ADRA1A: variants seen among roughly 807,000 people sequenced by gnomAD.
ADRA1A encodes the protein adrenoceptor alpha 1A.
Under a neutral mutation model 29.6 loss-of-function variants are expected in ADRA1A, and 31 were observed. The observed-to-expected ratio is 1.05, with a 90% CI of 0.79 to 1.41. The LOEUF (loss-of-function observed/expected upper bound fraction) is 1.41. ADRA1A is among the 40% of genes most tolerant of loss of function. The pLI is 0.00. For missense variants in ADRA1A, 619 were observed against 601.1 expected (o/e 1.03, Z -0.31); for synonymous variants, 311 against 254.3 (o/e 1.22, Z -2.12).
At chr8:26,861,960 C>T (rs547016518) in intron 2 of ADRA1A, among the ~76,000 whole-genome samples, 1 of 151,988 alleles carries the variant, frequency 6.6e-6, no homozygotes, top group African/African-American at 2.4e-5. Flanking sequence ...AGCCAATTTT[C>T]CCCCCAACAA....
intron 2 of ADRA1A, among the ~76,000 whole-genome samples, chr8:26,797,455 C>A (rs1808262413): frequency 6.6e-6 from 1 of 152,012 alleles, no homozygotes; most frequent in Non-Finnish European, 1.5e-5. Flanking sequence ...AGCCACCATG[C>A]CTGGCTAATT....
rs935814748 is a variant in ADRA1A, at chr8:26,823,638, C to T, written c.883+40449G>A. Among the ~76,000 whole-genome samples, 1 of 152,096 alleles carries T rather than the reference C, an allele frequency of 6.6e-6. No homozygotes were observed. The highest frequency in any genetic ancestry group is 6.5e-5 in the Admixed American group (1 of 15,276). On this transcript the variant is annotated intron_variant, in intron 2 of 2. Coordinates refer to ENST00000380573, the MANE Select transcript of ADRA1A (RefSeq NM_000680.4). The surrounding 1 kb of genome is among the most constrained non-coding windows in gnomAD (Gnocchi z 4.2). Reference sequence around the variant, plus strand: ...TGTGTCACCACCTATCTAAGTGGCACCAGGAAGCCCACCTTCCTTTTTCCT... The same window carrying T: ...TGTGTCACCACCTATCTAAGTGGCATCAGGAAGCCCACCTTCCTTTTTCCT...
rs1810517609 is a variant in ADRA1A at position 26,825,859 on chromosome 8, G to C, written c.883+38228C>G. The stretch of plus-strand genomic sequence containing the variant: ...CTTAAAACAGAAAATCGACTTCCAA[G>C]TTCTGCGCACTGGTGTTTGCATGAG... On this transcript the variant is annotated intron_variant, in intron 2 of 2. Transcript: ENST00000380573. This position sits in a 1 kb window ranked among gnomAD's most constrained non-coding sequence, Gnocchi z 5.7. 6.6e-6 allele frequency among the ~76,000 whole-genome samples: 1 copy of C among 152,216 alleles called. No homozygotes were observed. Among genetic ancestry groups the C allele is most frequent in the African/African-American group, 2.4e-5 (1 of 41,460 alleles).
intron 2 of ADRA1A, among the ~76,000 whole-genome samples, chr8:26,750,441 A>G (rs1464026375): frequency 6.6e-6 from 1 of 152,030 alleles, no homozygotes; most frequent in African/African-American, 2.4e-5. Context: ...AGCTCAAGTG[A>G]TCCACTGGCC....
rs1204829635 is a variant in ADRA1A at position 26,769,866 on chromosome 8, T to C, written c.*283A>G. On this transcript the variant is annotated 3_prime_UTR_variant, in exon 3 of 3. Coordinates refer to ENST00000380573, the MANE Select transcript of ADRA1A (RefSeq NM_000680.4). ...TTTGGATTGTGCATGAAATTCTGTT[T>C]CCCATGGTGGTTTTCGTTGAAGTGG... 1.5e-5 allele frequency: 17 copies of C among 1,171,804 alleles called. No homozygotes were observed. Among genetic ancestry groups the C allele is most frequent in the Non-Finnish European group, 1.6e-5 (15 of 949,072 alleles). The allele number at this position is 1,171,804 out of a possible 1,614,324, so 72.6% of individuals were successfully genotyped here. A position where few individuals can be genotyped will look rare whatever the true frequency, so the allele number is the denominator to read the frequency against.
chr8:26,830,641 T>C (rs1319303155), intron 2 of ADRA1A, among the ~76,000 whole-genome samples: 1 of 152,174 alleles, frequency 6.6e-6, no homozygotes, highest in African/African-American at 2.4e-5. Context: ...TTTGCAAAGA[T>C]GAAGGTTTAT....
chr8:26,785,909 C>T (rs1201702280), intron 2 of ADRA1A, among the ~76,000 whole-genome samples: 1 of 152,170 alleles, frequency 6.6e-6, no homozygotes, highest in Non-Finnish European at 1.5e-5. Flanking sequence ...AGTATTGCCC[C>T]AGTCTTTCCA....
At chr8:26,839,746 C>T (rs937357471) in intron 2 of ADRA1A, among the ~76,000 whole-genome samples, 16 of 152,166 alleles carry the variant, frequency 1.1e-4, no homozygotes, top group Non-Finnish European at 2.4e-4. Flanking sequence ...CATATTTCTT[C>T]CTTAGTGCCC....
chr8:26,803,919 CTTTTTTTTT>C (rs34314160), intron 2 of ADRA1A, among the ~76,000 whole-genome samples: 2 of 95,228 alleles, frequency 2.1e-5, no homozygotes, highest in African/African-American at 8.9e-5. Flanking sequence ...TGGAAGTTTC[CTTTTTTTTT>C]TTTTTTTTTT....
chr8:26,752,580 A>G (rs75969358), downstream of ADRA1A, among the ~76,000 whole-genome samples: 40 of 152,350 alleles, frequency 2.6e-4, no homozygotes, highest in East Asian at 7.5e-3. Context: ...GTTAGAAAAG[A>G]AATTATTTTG....
chr8:26,788,281 C>T (rs1807551222), intron 2 of ADRA1A, among the ~76,000 whole-genome samples: 1 of 152,126 alleles, frequency 6.6e-6, no homozygotes, highest in South Asian at 2.1e-4. Flanking sequence ...GCTAAGTCTA[C>T]TCTAGAGCTG....
chr8:26,822,161 T>C (rs1189618847), intron 2 of ADRA1A, among the ~76,000 whole-genome samples: 51 of 152,198 alleles, frequency 3.4e-4, no homozygotes, highest in Admixed American at 3.3e-3. Context: ...TTTTAAGAAT[T>C]TGTGAAAGTC....
rs1013142167 is a variant in ADRA1A at position 26,841,965 on chromosome 8, C to T, written c.883+22122G>A. Among the ~76,000 whole-genome samples, 1 of 152,134 alleles carries T rather than the reference C, an allele frequency of 6.6e-6. No individual in the cohort carries two copies. Among genetic ancestry groups the T allele is most frequent in the African/African-American group, 2.4e-5 (1 of 41,424 alleles). On this transcript the variant is annotated intron_variant, in intron 2 of 2. Transcript: ENST00000380573. The surrounding 1 kb of genome is among the most constrained non-coding windows in gnomAD (Gnocchi z 4.4). The stretch of plus-strand genomic sequence containing the variant: ...CAAGTTCTGCTTGTTTTTTCTTCTG[C>T]CTACTGATGCCAACATATTCTAACA...
Position 26,806,203 on chromosome 8 carries a change from G to A in ADRA1A, c.884-35537C>T, listed in dbSNP as rs1808969146. ...GCACTGCCCTGTTTTTAACTGGGTT[G>A]CAATTCATGCAGCCTCCTAACTGCA... On this transcript the variant is annotated intron_variant, in intron 2 of 2. Transcript: ENST00000380573. This position sits in a 1 kb window ranked among gnomAD's most constrained non-coding sequence, Gnocchi z 4.6. Among the ~76,000 whole-genome samples the A allele has an allele frequency of 6.6e-6, 1 of 152,110 alleles. No homozygotes were observed. Among genetic ancestry groups the A allele is most frequent in the Non-Finnish European group, 1.5e-5 (1 of 68,024 alleles).
At chr8:26,856,773 G>A (rs957079620) in intron 2 of ADRA1A, among the ~76,000 whole-genome samples, 4 of 152,142 alleles carry the variant, frequency 2.6e-5, no homozygotes, top group South Asian at 2.1e-4. Flanking sequence ...CTCTGTACAC[G>A]GTTTTCGATA....
intron 2 of ADRA1A, among the ~76,000 whole-genome samples, chr8:26,810,776 G>A (rs529233467): frequency 6.6e-6 from 1 of 152,236 alleles, no homozygotes; most frequent in African/African-American, 2.4e-5. Context: ...TTCCTTGGAT[G>A]GCACGTTTGC....
chr8:26,781,996 C>A (rs1030471465), intron 2 of ADRA1A, among the ~76,000 whole-genome samples: 7 of 152,212 alleles, frequency 4.6e-5, no homozygotes, highest in African/African-American at 1.4e-4. Context: ...TGCAAAGATG[C>A]TTAATCTGAG....
downstream of ADRA1A, among the ~76,000 whole-genome samples, chr8:26,766,636 C>T (rs568942387): frequency 1.5e-4 from 23 of 152,198 alleles, no homozygotes; most frequent in African/African-American, 4.1e-4. Context: ...AATGGGAAAA[C>T]GTTTACCCCC....
Position 26,864,334 on chromosome 8 carries a change from C to T in ADRA1A, c.636G>A (p.Lys212=). The change falls in exon 2 of 3, where the codon AAG becomes AAA. Residue 212 remains lysine (K), a synonymous_variant. Coordinates refer to ENST00000380573, the MANE Select transcript of ADRA1A (RefSeq NM_000680.4). This position sits in a 1 kb window ranked among gnomAD's most constrained non-coding sequence, Gnocchi z 8.1. ...CAGACTTGAGGCCCCGGCTCTCCCT[C>T]TTGGCCACCACGTAGACGCGGCAGT... ...VMYCRVYVVA[K]RESRGLKSGL... 5 of 1,614,084 alleles carry T rather than the reference C, an allele frequency of 3.1e-6. No homozygotes were observed. Among genetic ancestry groups the T allele is most frequent in the Non-Finnish European group, 4.2e-6 (5 of 1,180,004 alleles).
Sources: allele counts gnomAD v4.1 joint callset (sites outside exome capture counted in the v4.1 genomes callset), GRCh38; gene constraint gnomAD v4.1.1; non-coding constraint Gnocchi (gnomAD v3.1); transcripts MANE v1.5; gene names NCBI Gene and HGNC (gene_info 2026-07-23, HGNC 2026-07-21).